Variants in BAG4 observed in about 807,000 individuals in gnomAD.
BAG4 encodes the protein BAG cochaperone 4, also known as BAG family molecular chaperone regulator 4.
In BAG4, 28 loss-of-function variants were observed where a neutral mutation model predicts 52.1. That is an observed-to-expected ratio of 0.54 (90% CI 0.40 to 0.74). BAG4 has a LOEUF of 0.74. Among genes scored for constraint, BAG4 ranks in the 30% least tolerant of loss-of-function variants. BAG4 has a pLI of 0.00. For synonymous variants in BAG4, 208 were observed against 217.0 expected (o/e 0.96, Z 0.37); for missense variants, 525 against 572.0 (o/e 0.92, Z 0.84).
At position 38,177,031 on chromosome 8, in the gene BAG4, G is replaced by C. The variant is rs762707914; in HGVS notation, c.162G>C (p.Gly54=). 1.9e-6 allele frequency: 3 copies of C among 1,604,526 alleles called. No individual in the cohort carries two copies. Among genetic ancestry groups the C allele is most frequent in the Non-Finnish European group, 1.7e-6 (2 of 1,175,866 alleles). ...PQPPISWRVR[G]GGPAETTWLG... ...CTCCCATTTCCTGGCGGGTGCGCGGGGGCGGCCCGGCGGAGACCACCTGGC... is the reference window on the plus strand; with the variant it reads ...CTCCCATTTCCTGGCGGGTGCGCGGCGGCGGCCCGGCGGAGACCACCTGGC... The change falls in exon 1 of 5, where the codon GGG becomes GGC. Residue 54 remains glycine, a synonymous_variant. Coordinates refer to ENST00000287322, the MANE Select transcript of BAG4 (RefSeq NM_004874.4).
intron 2 of BAG4, chr8:38,201,865 TATATATA>T (rs1563284084): frequency 3.3e-4 from 3 of 9,160 alleles, no homozygotes; most frequent in East Asian, 2.6e-3. Context: ...TATATATATA[TATATATA>T]TATATATATT....
intron 3 of BAG4, among the ~76,000 whole-genome samples, chr8:38,208,590 C>T (rs1405112931): frequency 6.6e-6 from 1 of 152,166 alleles, no homozygotes; most frequent in African/African-American, 2.4e-5. Flanking sequence ...GGATTACAGG[C>T]GTGAGCCACC....
chr8:38,185,915 T>A (rs1376108813), intron 1 of BAG4, among the ~76,000 whole-genome samples: 1 of 152,124 alleles, frequency 6.6e-6, no homozygotes, highest in Non-Finnish European at 1.5e-5. Flanking sequence ...GAACATTGGG[T>A]CTGTGGTATT....
At chr8:38,188,713 A>G (rs1803416843) in intron 1 of BAG4, among the ~76,000 whole-genome samples, 1 of 149,314 alleles carries the variant, frequency 6.7e-6, no homozygotes, top group African/African-American at 2.4e-5. Context: ...ATATGTATAT[A>G]TATATAAAAA....
intron 1 of BAG4, among the ~76,000 whole-genome samples, chr8:38,188,217 A>G (rs1803400762): frequency 6.6e-6 from 1 of 152,116 alleles, no homozygotes; most frequent in Non-Finnish European, 1.5e-5. Flanking sequence ...CATATAAAAA[A>G]CAAAAAGTAA....
At chr8:38,192,953 A>G (rs1253300455) in intron 2 of BAG4, among the ~76,000 whole-genome samples, 158 bp downstream of exon 2, 1 of 152,232 alleles carries the variant, frequency 6.6e-6, no homozygotes, top group African/African-American at 2.4e-5. Flanking sequence ...CTCAGAGATA[A>G]GGAAATATCT....
intron 2 of BAG4, among the ~76,000 whole-genome samples, chr8:38,194,578 G>T (rs1054445460): frequency 2.0e-5 from 3 of 151,302 alleles, no homozygotes; most frequent in Non-Finnish European, 4.4e-5. Context: ...ACCATGCCCG[G>T]CTAATTTTTG....
At position 38,180,522 on chromosome 8, in the gene BAG4, C is replaced by CAAAAAAAAAAAAAAAAA. The variant is rs1161178024; in HGVS notation, c.270+3393_270+3409dup. 2.3e-3 allele frequency among the ~76,000 whole-genome samples: 61 copies of CAAAAAAAAAAAAAAAAA among 26,492 alleles called. 4 individuals are homozygous for CAAAAAAAAAAAAAAAAA. The highest frequency in any genetic ancestry group is 3.2e-3 in the East Asian group (3 of 930). The allele number at this position is 26,492 out of a possible 152,430, so 17.4% of individuals were successfully genotyped here. A position where few individuals can be genotyped will look rare whatever the true frequency, so the allele number is the denominator to read the frequency against. On this transcript the variant is annotated intron_variant, in intron 1 of 4. Transcript: ENST00000287322. The stretch of plus-strand genomic sequence containing the variant: ...TGGGCAGCAAAGCGAGACTCCGTCT[C>CAAAAAAAAAAAAAAAAA]AAAAAAAAAAAAAAAAAAAAAAAAA...
chr8:38,180,313 A>C (rs1803239824), intron 1 of BAG4, among the ~76,000 whole-genome samples: 1 of 151,964 alleles, frequency 6.6e-6, no homozygotes, highest in Non-Finnish European at 1.5e-5. Context: ...ACCTGAGGTC[A>C]GGAGTTCGAG....
At chr8:38,195,273 C>A (rs1288885109) in intron 2 of BAG4, among the ~76,000 whole-genome samples, 1 of 152,128 alleles carries the variant, frequency 6.6e-6, no homozygotes, top group Non-Finnish European at 1.5e-5. Context: ...ACTTCAGCCT[C>A]CTGAGTAGCT....
chr8:38,196,938 G>A (rs1467750443), intron 2 of BAG4, among the ~76,000 whole-genome samples: 2 of 151,918 alleles, frequency 1.3e-5, no homozygotes, highest in East Asian at 1.9e-4. Context: ...TTAGCTGGGC[G>A]TGGTGGCAGG....
intron 1 of BAG4, among the ~76,000 whole-genome samples, chr8:38,179,076 G>T (rs1803219613): frequency 6.6e-6 from 1 of 152,156 alleles, no homozygotes; most frequent in East Asian, 1.9e-4. Flanking sequence ...CATTTTAAAA[G>T]GGTAGAGTTT....
chr8:38,196,436 G>A (rs559741247), intron 2 of BAG4, among the ~76,000 whole-genome samples: 30 of 150,326 alleles, frequency 2.0e-4, no homozygotes, highest in African/African-American at 5.9e-4. Flanking sequence ...GGCAGATCAC[G>A]AGGTCAGGAG....
chr8:38,188,275 G>T (rs867706519), intron 1 of BAG4, among the ~76,000 whole-genome samples: 2 of 151,354 alleles, frequency 1.3e-5, no homozygotes, highest in African/African-American at 4.9e-5. Flanking sequence ...AAATGTGCAT[G>T]GATTAAGCAA....
In BAG4 at chr8:38,207,702, A is replaced by G. The variant is rs1040496476; in HGVS notation, c.569A>G (p.Gln190Arg). The change falls in exon 3 of 5, where the codon CAG (glutamine) becomes CGG (arginine). Residue 190 changes from glutamine (Q) to arginine (R), a missense_variant. Physicochemically the swap from Gln to Arg is conservative, Grantham distance 43. This residue lies in a region of BAG4 where 287 missense variants were observed against 266.1 expected (regional missense o/e 1.08). Coordinates refer to ENST00000287322, the MANE Select transcript of BAG4 (RefSeq NM_004874.4). ...CCAGTCTCTCGTTGGATCTATCCCC[A>G]GCAGGACTGTCAGACTGAAGCACCC... ...PTPVSRWIYP[Q>R]QDCQTEAPPL... 1.2e-6 allele frequency: 2 copies of G among 1,614,154 alleles called. No individual in the cohort carries two copies. The highest frequency in any genetic ancestry group is 1.3e-5 in the African/African-American group (1 of 75,032).
At chr8:38,181,380 C>G (rs907862771) in intron 1 of BAG4, among the ~76,000 whole-genome samples, 4 of 152,026 alleles carry the variant, frequency 2.6e-5, no homozygotes, top group African/African-American at 7.2e-5. Flanking sequence ...ATTACAGGCA[C>G]CCGCCACCAT....
intron 2 of BAG4, chr8:38,203,895 T>A (rs1368062342): frequency 6.6e-6 from 1 of 151,294 alleles, no homozygotes; most frequent in Non-Finnish European, 1.5e-5. Context: ...GTGCATGAGA[T>A]CCCCTCCTTC....
At chr8:38,179,707 A>C (rs1803232144) in intron 1 of BAG4, among the ~76,000 whole-genome samples, 1 of 151,992 alleles carries the variant, frequency 6.6e-6, no homozygotes, top group Non-Finnish European at 1.5e-5. Context: ...CGGAGGTTGC[A>C]GTGAGCTGAG....
chr8:38,176,950 T>C lies in BAG4; in HGVS notation c.81T>C (p.Asp27=). ...YGRYYGPGGG[D]VPVHPPPPLY... ...GCTACTACGGGCCTGGGGGTGGAGATGTGCCGGTACACCCACCTCCACCCT... is the reference window on the plus strand; with the variant it reads ...GCTACTACGGGCCTGGGGGTGGAGACGTGCCGGTACACCCACCTCCACCCT... Residue 27 remains aspartate (D), a synonymous_variant, in exon 1 of 5, where the codon GAT becomes GAC. Coordinates refer to ENST00000287322, the MANE Select transcript of BAG4 (RefSeq NM_004874.4). 1 of 1,559,780 alleles carries C rather than the reference T, an allele frequency of 6.4e-7. No homozygotes were observed. Among genetic ancestry groups the C allele is most frequent in the East Asian group, 2.4e-5 (1 of 41,646 alleles).
Sources: allele counts gnomAD v4.1 joint callset (sites outside exome capture counted in the v4.1 genomes callset), GRCh38; gene constraint gnomAD v4.1.1; regional missense constraint gnomAD v4.1.1; transcripts MANE v1.5; gene names NCBI Gene and HGNC (gene_info 2026-07-23, HGNC 2026-07-21).